GALNT14: variants seen among roughly 807,000 people sequenced by gnomAD.
GALNT14 encodes the protein polypeptide N-acetylgalactosaminyltransferase 14.
A neutral mutation model predicts 77.5 loss-of-function variants in GALNT14; 60 were observed. The ratio of observed to expected loss-of-function variants is 0.77; its 90% CI spans 0.63 to 0.96. The LOEUF (loss-of-function observed/expected upper bound fraction) is 0.96, where lower values mean the gene tolerates loss of function less well. Ranked by LOEUF, GALNT14 falls within the 40% of genes least tolerant of loss-of-function variation. GALNT14 has a pLI of 0.00. For synonymous variants in GALNT14, 280 were observed against 281.7 expected (o/e 0.99, Z 0.06); for missense variants, 710 against 731.0 (o/e 0.97, Z 0.33).
At position 30,910,802 on chromosome 2, in the gene GALNT14, T is replaced by C. The variant is rs1664308762; in HGVS notation, c.*99A>G. 2 of 1,321,630 alleles carry C rather than the reference T, an allele frequency of 1.5e-6. No homozygotes were observed. Among genetic ancestry groups the C allele is most frequent in the African/African-American group, 1.5e-5 (1 of 68,412 alleles). The allele number at this position is 1,321,630 out of a possible 1,614,324, so 81.9% of individuals were successfully genotyped here. On this transcript the variant is annotated 3_prime_UTR_variant, in exon 15 of 15. Transcript: ENST00000349752. The stretch of plus-strand genomic sequence containing the variant: ...TCTGCCTCCACCTCCCAGTCCAGGA[T>C]GTCTGAGGTGGTTGCAGGCTGCTTG...
chr2:31,004,868 A>G (rs899667731), intron 1 of GALNT14, among the ~76,000 whole-genome samples: 1 of 152,226 alleles, frequency 6.6e-6, no homozygotes, highest in African/African-American at 2.4e-5. Flanking sequence ...AAATAGCTAC[A>G]GGGAAAAGCA....
chr2:30,991,528 G>A (rs1573108665), intron 2 of GALNT14: 1 of 152,356 alleles, frequency 6.6e-6, no homozygotes, highest in East Asian at 1.9e-4. Context: ...TATAGCCCAC[G>A]CTCTGGGTCT....
At chr2:31,063,139 C>T (rs924979284) in intron 1 of GALNT14, among the ~76,000 whole-genome samples, 3 of 152,158 alleles carry the variant, frequency 2.0e-5, no homozygotes, top group African/African-American at 7.2e-5. Context: ...TTGCCCATGC[C>T]TATGTCCTGA....
At chr2:31,030,058 T>G (rs1444103966) in intron 1 of GALNT14, among the ~76,000 whole-genome samples, 1 of 152,218 alleles carries the variant, frequency 6.6e-6, no homozygotes, top group Non-Finnish European at 1.5e-5. Context: ...ATTATTATTT[T>G]CGTGTCTTCT....
intron 1 of GALNT14, among the ~76,000 whole-genome samples, chr2:31,009,074 T>G (rs1465417538): frequency 1.3e-5 from 2 of 152,238 alleles, no homozygotes; most frequent in African/African-American, 2.4e-5. Flanking sequence ...GCAATTCACT[T>G]CATTCATTCA....
intron 7 of GALNT14, among the ~76,000 whole-genome samples, chr2:30,945,255 T>A (rs192692447): frequency 1.6e-4 from 24 of 152,348 alleles, no homozygotes; most frequent in Non-Finnish European, 3.1e-4. Flanking sequence ...AGTCATGGAA[T>A]GTGGGCCTTG....
At chr2:31,000,207 T>C (rs1197995504) in intron 1 of GALNT14, among the ~76,000 whole-genome samples, 1 of 152,198 alleles carries the variant, frequency 6.6e-6, no homozygotes, top group East Asian at 1.9e-4. Context: ...CTGAGTGTTC[T>C]GGTCCCTTAG....
chr2:31,120,207 C>A (rs1027636943), intron 1 of GALNT14, among the ~76,000 whole-genome samples: 2 of 150,654 alleles, frequency 1.3e-5, no homozygotes, highest in African/African-American at 4.9e-5. Context: ...AGTAGGATTT[C>A]TAGAATATAT....
At chr2:31,037,427 G>A (rs1672807252) in intron 1 of GALNT14, among the ~76,000 whole-genome samples, 1 of 152,042 alleles carries the variant, frequency 6.6e-6, no homozygotes, top group African/African-American at 2.4e-5. Flanking sequence ...ACTTCCTTTA[G>A]TTATTTGAAC....
At chr2:31,066,873 G>C (rs536269515) in intron 1 of GALNT14, among the ~76,000 whole-genome samples, 1 of 152,254 alleles carries the variant, frequency 6.6e-6, no homozygotes, top group East Asian at 1.9e-4. Context: ...AGCTGCCCAG[G>C]CTGTGGAAAA....
chr2:31,059,806 A>T (rs1050530797), intron 1 of GALNT14, among the ~76,000 whole-genome samples: 1 of 152,242 alleles, frequency 6.6e-6, no homozygotes, highest in Non-Finnish European at 1.5e-5. Context: ...ATGAGCCAGA[A>T]AGCAGGTCCT....
intron 11 of GALNT14, among the ~76,000 whole-genome samples, chr2:30,925,114 CA>C (rs761970841): frequency 1.3e-5 from 2 of 152,170 alleles, no homozygotes; most frequent in Non-Finnish European, 2.9e-5. Flanking sequence ...TCATTCAAAA[CA>C]AAGCTGCAAG....
intron 1 of GALNT14, among the ~76,000 whole-genome samples, chr2:31,052,502 C>A (rs956257818): frequency 6.6e-6 from 1 of 152,198 alleles, no homozygotes; most frequent in African/African-American, 2.4e-5. Flanking sequence ...CTGCTCCCCA[C>A]GGAAGCCTGG....
At chr2:30,908,998 C>T (rs896864213), downstream of GALNT14, among the ~76,000 whole-genome samples, 1 of 151,930 alleles carries the variant, frequency 6.6e-6, no homozygotes, top group African/African-American at 2.4e-5. Context: ...GGAAAACTGG[C>T]TAGCCATATG....
chr2:31,063,320 C>A (rs1674722228), intron 1 of GALNT14, among the ~76,000 whole-genome samples: 1 of 152,168 alleles, frequency 6.6e-6, no homozygotes, highest in South Asian at 2.1e-4. Context: ...ATAGGGAATC[C>A]TTTCCCCTTT....
intron 2 of GALNT14, among the ~76,000 whole-genome samples, 177 bp from the exon 3 acceptor site, chr2:30,966,479 G>GCTGGGGAGCTC (rs1558449943): frequency 1.3e-5 from 2 of 152,062 alleles, no homozygotes; most frequent in Admixed American, 6.5e-5. Flanking sequence ...CCTAAGAGGG[G>GCTGGGGAGCTC]CTGGGGAGCT....
chr2:30,903,504 G>A, the GALNT14 span, among the ~76,000 whole-genome samples: 2 of 152,256 alleles, frequency 1.3e-5, no homozygotes, highest in Non-Finnish European at 2.9e-5. Flanking sequence ...AGCAAGCAGT[G>A]ATGCTGGAGA....
chr2:31,116,994 G>A (rs539855535), intron 1 of GALNT14, among the ~76,000 whole-genome samples: 6 of 151,918 alleles, frequency 3.9e-5, no homozygotes, highest in East Asian at 3.9e-4. Flanking sequence ...CTGAGATCAC[G>A]CCATTGCACT....
chr2:31,125,167 C>T, intron 1 of GALNT14: 2 of 1,549,702 alleles, frequency 1.3e-6, no homozygotes, highest in Non-Finnish European at 8.7e-7. Context: ...TAGGAAGATG[C>T]CCTCTTTGGT....
Sources: gnomAD v4.1 joint callset for allele counts (sites outside exome capture counted in the v4.1 genomes callset) on GRCh38, gnomAD v4.1.1 for gene constraint, MANE v1.5 for transcripts, NCBI Gene and HGNC (gene_info 2026-07-23, HGNC 2026-07-21) for gene names.